INTS4: variants seen among roughly 807,000 people sequenced by gnomAD.
INTS4 encodes the protein MSTP093.
A neutral mutation model predicts 119.5 loss-of-function variants in INTS4; 70 were observed. The ratio of observed to expected loss-of-function variants is 0.59; its 90% CI spans 0.48 to 0.71. INTS4 has a LOEUF of 0.71. Ranked by LOEUF, INTS4 falls within the 30% of genes least tolerant of loss-of-function variation. The pLI is 0.00. For missense variants in INTS4, 867 were observed against 1,173.2 expected (o/e 0.74, Z 3.81); for synonymous variants, 316 against 419.6 (o/e 0.75, Z 3.02).
At chr11:77,969,822 T>C (rs557967879) in intron 4 of INTS4, among the ~76,000 whole-genome samples, 5 of 152,140 alleles carry the variant, frequency 3.3e-5, no homozygotes, top group African/African-American at 1.2e-4. Context: ...ATCTCTCTGT[T>C]CGCCTAAGCC....
intron 18 of INTS4, among the ~76,000 whole-genome samples, chr11:77,898,265 G>A (rs915275432): frequency 6.6e-6 from 1 of 152,162 alleles, no homozygotes; most frequent in Non-Finnish European, 1.5e-5. Flanking sequence ...CTGGGTTCAA[G>A]CAATTTTCTG....
intron 16 of INTS4, among the ~76,000 whole-genome samples, chr11:77,905,235 T>G (rs1952910000): frequency 6.6e-6 from 1 of 152,066 alleles, no homozygotes; most frequent in South Asian, 2.1e-4. Context: ...GGTGGGTGGA[T>G]GACCTGAGGT....
At chr11:77,993,626 T>C (rs1408716805) in intron 1 of INTS4, among the ~76,000 whole-genome samples, 1 of 126,010 alleles carries the variant, frequency 7.9e-6, no homozygotes, top group African/African-American at 3.6e-5. Context: ...TTTTATATTA[T>C]GTATTGACAT....
intron 3 of INTS4, among the ~76,000 whole-genome samples, chr11:77,980,077 C>A (rs1856145620): frequency 6.6e-6 from 1 of 151,806 alleles, no homozygotes; most frequent in Admixed American, 6.6e-5. Context: ...TACATACATA[C>A]CAGGCCTTCC....
intron 8 of INTS4, among the ~76,000 whole-genome samples, chr11:77,955,042 T>A (rs898379309): frequency 7.4e-5 from 11 of 147,728 alleles, no homozygotes; most frequent in Non-Finnish European, 1.4e-4. Context: ...TTTCTTTCTA[T>A]ATTAAGAAAT....
chr11:77,904,608 A>T (rs1591037794), intron 16 of INTS4, among the ~76,000 whole-genome samples: 1 of 152,252 alleles, frequency 6.6e-6, no homozygotes, highest in Non-Finnish European at 1.5e-5. Context: ...CTATCAAATT[A>T]AACAGTGGTA....
chr11:77,888,286 T>C (rs1271329215), intron 21 of INTS4, among the ~76,000 whole-genome samples: 1 of 152,194 alleles, frequency 6.6e-6, no homozygotes, highest in Non-Finnish European at 1.5e-5. Flanking sequence ...TACAACCATC[T>C]GATCTTTGAC....
At chr11:77,918,365 T>G in intron 15 of INTS4, 17 of 394,580 alleles carry the variant, frequency 4.3e-5, no homozygotes, top group Non-Finnish European at 5.5e-5. Flanking sequence ...TGCAGTGAGC[T>G]GATATTATGC....
chr11:77,976,580 A>T (rs916904529), intron 4 of INTS4, among the ~76,000 whole-genome samples: 1 of 152,258 alleles, frequency 6.6e-6, no homozygotes, highest in Non-Finnish European at 1.5e-5. Flanking sequence ...TACTGGGTAT[A>T]TACCCAAAGG....
chr11:77,920,198 T>TATATACACAC (rs1953310042), intron 14 of INTS4, among the ~76,000 whole-genome samples: 1 of 48,836 alleles, frequency 2.0e-5, no homozygotes, highest in African/African-American at 7.3e-5. Flanking sequence ...TATATATACA[T>TATATACACAC]ATATATACAC....
chr11:77,954,858 G>C (rs977962668), intron 8 of INTS4, among the ~76,000 whole-genome samples: 1 of 152,134 alleles, frequency 6.6e-6, no homozygotes, highest in African/African-American at 2.4e-5. Context: ...CTGGGGGTTT[G>C]AGCCTCCTGA....
At chr11:77,978,933 A>C in intron 4 of INTS4, 63 bp downstream of exon 4, 1 of 997,224 alleles carries the variant, frequency 1.0e-6, no homozygotes, top group South Asian at 1.4e-5. Flanking sequence ...AAAACCATTA[A>C]TGGTCCTTAG....
At chr11:77,987,244 A>C (rs1295328958) in intron 2 of INTS4, 1 of 155,582 alleles carries the variant, frequency 6.4e-6, no homozygotes, top group Non-Finnish European at 1.4e-5. Flanking sequence ...TTCCATAACA[A>C]AAGGTTTTTT....
intron 9 of INTS4, among the ~76,000 whole-genome samples, chr11:77,940,353 C>T (rs1402295561): frequency 6.6e-6 from 1 of 152,058 alleles, no homozygotes; most frequent in East Asian, 1.9e-4. Context: ...AATGCTTGAG[C>T]CCAAGAGATC....
intron 9 of INTS4, among the ~76,000 whole-genome samples, chr11:77,939,670 C>A (rs547527283): frequency 1.3e-5 from 2 of 151,984 alleles, no homozygotes; most frequent in East Asian, 3.9e-4. Context: ...TCTCATTAAA[C>A]CCCATCTCTA....
intron 4 of INTS4, among the ~76,000 whole-genome samples, chr11:77,965,463 T>C (rs1855462299): frequency 6.6e-6 from 1 of 152,200 alleles, no homozygotes; most frequent in Non-Finnish European, 1.5e-5. Flanking sequence ...CTTTATAACC[T>C]TTGATCAGCA....
At chr11:77,886,599 G>A (rs1022153728) in intron 21 of INTS4, among the ~76,000 whole-genome samples, 5 of 152,152 alleles carry the variant, frequency 3.3e-5, no homozygotes, top group African/African-American at 9.6e-5. Flanking sequence ...ATGGATGAAC[G>A]AGATTCCCAC....
chr11:77,897,080 A>G (rs1241433000), intron 18 of INTS4, among the ~76,000 whole-genome samples: 1 of 152,016 alleles, frequency 6.6e-6, no homozygotes, highest in Non-Finnish European at 1.5e-5. Flanking sequence ...GGGTTGCCCA[A>G]TAAAATAAAT....
intron 21 of INTS4, among the ~76,000 whole-genome samples, chr11:77,890,661 A>G (rs1306226538): frequency 1.3e-5 from 2 of 152,130 alleles, no homozygotes; most frequent in Non-Finnish European, 2.9e-5. Flanking sequence ...ACACCCCGAG[A>G]GGAAGAACTG....
Sources: allele counts gnomAD v4.1 joint callset (sites outside exome capture counted in the v4.1 genomes callset), GRCh38; gene constraint gnomAD v4.1.1; transcripts MANE v1.5; gene names NCBI Gene and HGNC (gene_info 2026-07-23, HGNC 2026-07-21).